Variants in RIMS2 observed in about 807,000 individuals in gnomAD.
The protein encoded by RIMS2 is regulating synaptic membrane exocytosis 2.
Under a neutral mutation model 174.4 loss-of-function variants are expected in RIMS2, and 59 were observed. The observed-to-expected ratio is 0.34, with a 90% CI of 0.27 to 0.42. The LOEUF (loss-of-function observed/expected upper bound fraction) is 0.42. RIMS2 is among the 10% of genes least tolerant of loss of function. RIMS2 has a pLI of 1.00. For missense variants in RIMS2, 1,620 were observed against 1,666.3 expected, an observed-to-expected ratio of 0.97 and a Z score of 0.48; for synonymous variants, 606 against 572.5, an observed-to-expected ratio of 1.06 and a Z score of -0.84.
At chr8:103,815,993 C>G (rs919679693) in intron 3 of RIMS2, among the ~76,000 whole-genome samples, 22 of 152,112 alleles carry the variant, frequency 1.4e-4, no homozygotes, top group African/African-American at 5.3e-4. Flanking sequence ...GTACTTAAAA[C>G]CAGGCTGCCC....
chr8:103,643,044 T>G (rs1324940689), intron 1 of RIMS2, among the ~76,000 whole-genome samples: 1 of 152,018 alleles, frequency 6.6e-6, no homozygotes, highest in Non-Finnish European at 1.5e-5. Context: ...TACACATACT[T>G]TATAGTTTTT....
At chr8:103,801,138 C>G (rs1396764938) in intron 3 of RIMS2, among the ~76,000 whole-genome samples, 1 of 152,130 alleles carries the variant, frequency 6.6e-6, no homozygotes, top group African/African-American at 2.4e-5. Flanking sequence ...GTGCACACCA[C>G]CACACTCGGC....
chr8:103,938,324 T>A (rs866641349), intron 13 of RIMS2, among the ~76,000 whole-genome samples: 3 of 152,190 alleles, frequency 2.0e-5, no homozygotes, highest in Admixed American at 6.6e-5. Context: ...GAGGAGCAAG[T>A]CACGTCTTAC....
intron 1 of RIMS2, among the ~76,000 whole-genome samples, chr8:103,671,255 G>A (rs1341542073): frequency 2.0e-5 from 3 of 152,052 alleles, no homozygotes; most frequent in Non-Finnish European, 4.4e-5. Context: ...GGAATTATGG[G>A]AGCTACATTT....
chr8:103,922,629 G>C, intron 10 of RIMS2: 1 of 396,294 alleles, frequency 2.5e-6, no homozygotes, highest in Non-Finnish European at 5.0e-6. Context: ...CTTGAATTTT[G>C]GATTAAAAAA....
intron 19 of RIMS2, among the ~76,000 whole-genome samples, chr8:104,183,565 G>A (rs2098951880): frequency 6.6e-6 from 1 of 151,360 alleles, no homozygotes; most frequent in African/African-American, 2.4e-5. Context: ...TACCATGGGG[G>A]GGAAAATGAG....
rs112093267 is a variant in RIMS2 at position 104,186,868 on chromosome 8, A to G, written c.3335-58048A>G. 5.9e-3 allele frequency among the ~76,000 whole-genome samples: 903 copies of G among 151,970 alleles called. 7 individuals are homozygous for G. Among genetic ancestry groups the G allele is most frequent in the African/African-American group, 0.02 (835 of 41,518 alleles). ...AAAGTAACATTTTTAACCTAAAAAG[A>G]CCAGACCTCTAGCATGACTGCCACA... On this transcript the variant is annotated intron_variant, in intron 19 of 23. Coordinates refer to ENST00000504942, the Ensembl canonical transcript of RIMS2.
At chr8:103,833,368 G>T (rs1009732475) in intron 3 of RIMS2, among the ~76,000 whole-genome samples, 1 of 151,492 alleles carries the variant, frequency 6.6e-6, no homozygotes, top group Non-Finnish European at 1.5e-5. Context: ...ATTTTGCTTG[G>T]GTTGGCTGTG....
intron 1 of RIMS2, among the ~76,000 whole-genome samples, chr8:103,637,508 A>G (rs2096116477): frequency 6.6e-6 from 1 of 152,236 alleles, no homozygotes; most frequent in South Asian, 2.1e-4. Flanking sequence ...CTTATTTTTA[A>G]AAATGTTTTA....
chr8:103,603,748 GTGA>G (rs2094889726), intron 1 of RIMS2, among the ~76,000 whole-genome samples: 1 of 145,742 alleles, frequency 6.9e-6, no homozygotes, highest in Non-Finnish European at 1.5e-5. Flanking sequence ...CTGATGGCCA[GTGA>G]TGATGAGCAT....
intron 2 of RIMS2, among the ~76,000 whole-genome samples, chr8:103,712,910 G>A (rs986279729): frequency 6.6e-6 from 1 of 151,956 alleles, no homozygotes; most frequent in Non-Finnish European, 1.5e-5. Flanking sequence ...TTTTTTTGAA[G>A]TTAAAATAAA....
At chr8:103,537,538 C>T (rs1256831400) in intron 1 of RIMS2, among the ~76,000 whole-genome samples, 1 of 152,004 alleles carries the variant, frequency 6.6e-6, no homozygotes, top group African/African-American at 2.4e-5. Flanking sequence ...GGTTCTAAGC[C>T]TGGTTTTTAA....
chr8:104,061,503 TAAG>T (rs1387757836), intron 19 of RIMS2, among the ~76,000 whole-genome samples: 1 of 151,798 alleles, frequency 6.6e-6, no homozygotes, highest in Non-Finnish European at 1.5e-5. Context: ...TTAACCCAAA[TAAG>T]AAATCAAATA....
chr8:103,806,326 T>C (rs993533038), intron 3 of RIMS2, among the ~76,000 whole-genome samples: 1 of 152,200 alleles, frequency 6.6e-6, no homozygotes, highest in African/African-American at 2.4e-5. Context: ...CTTTGGATTT[T>C]AAATTCCAAG....
intron 3 of RIMS2, among the ~76,000 whole-genome samples, chr8:103,787,224 C>A (rs1163176010): frequency 6.7e-6 from 1 of 150,274 alleles, no homozygotes; most frequent in Non-Finnish European, 1.5e-5. Flanking sequence ...ACTCTTTATC[C>A]AATTTGCCAG....
chr8:103,961,562 C>T (rs1219908905), intron 15 of RIMS2, among the ~76,000 whole-genome samples: 1 of 152,050 alleles, frequency 6.6e-6, no homozygotes, highest in Admixed American at 6.6e-5. Context: ...GTATCATGTA[C>T]AGCTACGTTT....
chr8:104,250,566 A>T (rs551321721), intron 22 of RIMS2, among the ~76,000 whole-genome samples: 1 of 152,250 alleles, frequency 6.6e-6, no homozygotes, highest in South Asian at 2.1e-4. Context: ...AGCTAATTTG[A>T]TCAATATCAC....
rs574032297 is a variant in RIMS2 at position 103,835,443 on chromosome 8, T to C, written c.699-49855T>C. ...CATATATTTAGCCTTCAGGCATTGATTGAATTTGGTTAAAATCATAAAAAT... is the reference window on the plus strand; with the variant it reads ...CATATATTTAGCCTTCAGGCATTGACTGAATTTGGTTAAAATCATAAAAAT... On this transcript the variant is annotated intron_variant, in intron 3 of 23. Transcript: ENST00000504942. Among the ~76,000 whole-genome samples the C allele has an allele frequency of 2.0e-3, 290 of 148,110 alleles. 4 individuals carry two copies. The highest frequency in any genetic ancestry group is 6.6e-3 in the African/African-American group (273 of 41,418).
intron 1 of RIMS2, among the ~76,000 whole-genome samples, chr8:103,599,525 A>G (rs2094615138): frequency 6.6e-6 from 1 of 151,092 alleles, no homozygotes; most frequent in South Asian, 2.1e-4. Context: ...TGCAACCCTC[A>G]CCTCCTGGGC....
Sources: gnomAD v4.1 joint callset for allele counts (sites outside exome capture counted in the v4.1 genomes callset) on GRCh38, gnomAD v4.1.1 for gene constraint, MANE v1.5 for transcripts, NCBI Gene and HGNC (gene_info 2026-07-23, HGNC 2026-07-21) for gene names.